BCAS1: variants seen among roughly 807,000 people sequenced by gnomAD.
The protein encoded by BCAS1 is brain enriched myelin associated protein 1, also known as breast carcinoma-amplified sequence 1.
In BCAS1, 46 loss-of-function variants were observed where a neutral mutation model predicts 65.4. That is an observed-to-expected ratio of 0.70 (90% CI 0.55 to 0.90). The LOEUF (loss-of-function observed/expected upper bound fraction) is 0.90, where lower values mean the gene tolerates loss of function less well. BCAS1 is among the 40% of genes least tolerant of loss of function. The pLI is 0.00. For synonymous variants in BCAS1, 298 were observed against 293.5 expected, an observed-to-expected ratio of 1.02 and a Z score of -0.16; for missense variants, 793 against 771.2, an observed-to-expected ratio of 1.03 and a Z score of -0.33.
intron 8 of BCAS1, among the ~76,000 whole-genome samples, chr20:53,983,248 T>C (rs1323497623): frequency 6.6e-6 from 1 of 152,230 alleles, no homozygotes; most frequent in Non-Finnish European, 1.5e-5. Flanking sequence ...GCCTGGTTAG[T>C]TCTTCAGCCC....
chr20:54,031,712 T>G (rs971270316), intron 3 of BCAS1, among the ~76,000 whole-genome samples: 1 of 151,272 alleles, frequency 6.6e-6, no homozygotes, highest in African/African-American at 2.4e-5. Flanking sequence ...ACTTTAGCAT[T>G]ACATAAGCCA....
chr20:53,987,692 T>C (rs2145792201), intron 7 of BCAS1, among the ~76,000 whole-genome samples: 1 of 152,330 alleles, frequency 6.6e-6, no homozygotes, highest in East Asian at 1.9e-4. Flanking sequence ...TAAGTGCTAC[T>C]GAGTGGGGAG....
At chr20:54,004,739 T>A (rs956032681) in intron 4 of BCAS1, among the ~76,000 whole-genome samples, 1 of 152,170 alleles carries the variant, frequency 6.6e-6, no homozygotes, top group African/African-American at 2.4e-5. Flanking sequence ...CACTGTGTAT[T>A]GTGGACTTAA....
chr20:54,033,102 T>C (rs1353787975), intron 3 of BCAS1, among the ~76,000 whole-genome samples: 3 of 151,096 alleles, frequency 2.0e-5, no homozygotes, highest in Non-Finnish European at 4.4e-5. Flanking sequence ...TTTGAACTAA[T>C]GAGAACAAAG....
chr20:54,018,796 T>C (rs1367581592), intron 4 of BCAS1, among the ~76,000 whole-genome samples: 6 of 152,186 alleles, frequency 3.9e-5, no homozygotes, highest in Non-Finnish European at 7.3e-5. Context: ...TTCTCAACTG[T>C]ACCCAAGAAA....
At chr20:53,951,366 G>A (rs1488332575) in intron 12 of BCAS1, among the ~76,000 whole-genome samples, 1 of 152,194 alleles carries the variant, frequency 6.6e-6, no homozygotes, top group Non-Finnish European at 1.5e-5. Flanking sequence ...AGCTACTCGG[G>A]AGACTGAAGC....
chr20:53,999,754 A>G (rs2091010703), intron 4 of BCAS1, among the ~76,000 whole-genome samples: 1 of 151,902 alleles, frequency 6.6e-6, no homozygotes, highest in Non-Finnish European at 1.5e-5. Context: ...TTTTTGAGAC[A>G]GAGTCTCACT....
At chr20:53,995,124 A>G in intron 5 of BCAS1, 68 bp from the exon 6 acceptor site, 4 of 1,392,988 alleles carry the variant, frequency 2.9e-6, no homozygotes, top group Non-Finnish European at 3.1e-6. Context: ...TTTCATAGAT[A>G]AATAACTCTT....
intron 4 of BCAS1, 49 bp downstream of exon 4, chr20:54,028,343 C>T (rs756203048): frequency 3.1e-6 from 5 of 1,597,566 alleles, no homozygotes; most frequent in Non-Finnish European, 4.3e-6. Flanking sequence ...CCCATTAGCG[C>T]CCCCGAGCAT....
intron 7 of BCAS1, among the ~76,000 whole-genome samples, chr20:53,985,798 A>C (rs1275709606): frequency 6.6e-6 from 1 of 152,152 alleles, no homozygotes; most frequent in East Asian, 1.9e-4. Context: ...TAGAATATGG[A>C]GTTCTTATTT....
intron 2 of BCAS1, among the ~76,000 whole-genome samples, 177 bp from the exon 3 acceptor site, chr20:54,058,331 C>A (rs1380420984): frequency 6.6e-6 from 1 of 152,166 alleles, no homozygotes; most frequent in Non-Finnish European, 1.5e-5. Context: ...ATAACTCACT[C>A]CAAGAGTGGA....
intron 3 of BCAS1, among the ~76,000 whole-genome samples, chr20:54,053,180 G>A (rs139220419): frequency 3.5e-4 from 54 of 152,310 alleles, no homozygotes; most frequent in African/African-American, 1.2e-3. Flanking sequence ...GGTGAGTTAA[G>A]CTAGAAATAT....
chr20:54,036,449 T>G (rs2091901358), intron 3 of BCAS1, among the ~76,000 whole-genome samples: 1 of 151,464 alleles, frequency 6.6e-6, no homozygotes, highest in African/African-American at 2.4e-5. Context: ...TATCTGTATA[T>G]GTGATTAAAA....
At chr20:54,029,035 G>A in intron 3 of BCAS1, 63 bp from the exon 4 acceptor site, 1 of 1,523,222 alleles carries the variant, frequency 6.6e-7, no homozygotes, top group Non-Finnish European at 8.8e-7. Flanking sequence ...CACTAATAAT[G>A]GACTCCAGAC....
rs752495014 is a variant in BCAS1 at position 53,985,390 on chromosome 20, G to A, written c.1172C>T (p.Ser391Leu). 15 of 1,613,894 alleles carry A rather than the reference G, an allele frequency of 9.3e-6. 1 individual carries two copies. The African/African-American group carries it at 9.3e-5, about 10-fold the overall frequency. Reference sequence around the variant, plus strand: ...GGTTGTCACGGACTGTGTGTGCCCCGATGGGTTGCATCCTTTGGAATTCTT... The same window carrying A: ...GGTTGTCACGGACTGTGTGTGCCCCAATGGGTTGCATCCTTTGGAATTCTT... ...AGKNSKGCNPSGHTQSVTTPE... is the reference protein window; with the variant it reads ...AGKNSKGCNPLGHTQSVTTPE... Residue 391 changes from serine (S) to leucine (L), a missense_variant, in exon 8 of 13, where the codon TCG (serine) becomes TTG (leucine). Physicochemically the swap from Ser to Leu is moderately radical, Grantham distance 145. Transcript: ENST00000688948.
At chr20:53,974,536 A>G (rs1441303230) in intron 9 of BCAS1, among the ~76,000 whole-genome samples, 1 of 152,256 alleles carries the variant, frequency 6.6e-6, no homozygotes, top group Non-Finnish European at 1.5e-5. Context: ...TCCCATAACT[A>G]AATAAAAATA....
chr20:54,034,084 C>G (rs905872889), intron 3 of BCAS1, among the ~76,000 whole-genome samples: 7 of 151,310 alleles, frequency 4.6e-5, no homozygotes, highest in African/African-American at 1.5e-4. Context: ...ATTAGACATC[C>G]ATTTATGTTA....
At chr20:53,956,825 G>A (rs1362099302) in intron 11 of BCAS1, among the ~76,000 whole-genome samples, 1 of 152,100 alleles carries the variant, frequency 6.6e-6, no homozygotes, top group Non-Finnish European at 1.5e-5. Context: ...GCAGCTGCAT[G>A]ATCCTATTTA....
intron 3 of BCAS1, among the ~76,000 whole-genome samples, chr20:54,031,413 T>A (rs184315166): frequency 1.3e-5 from 2 of 151,360 alleles, no homozygotes; most frequent in African/African-American, 4.8e-5. Flanking sequence ...ATACGTTCCA[T>A]GCAACTGAAG....
Sources: allele counts gnomAD v4.1 joint callset (sites outside exome capture counted in the v4.1 genomes callset), GRCh38; gene constraint gnomAD v4.1.1; transcripts MANE v1.5; gene names NCBI Gene and HGNC (gene_info 2026-07-23, HGNC 2026-07-21).